The following NTNG1 variants were observed in gnomAD, a reference collection of about 807,000 sequenced individuals.
NTNG1 encodes netrin G1.
Under a neutral mutation model 54.0 loss-of-function variants are expected in NTNG1, and 16 were observed. The observed-to-expected ratio is 0.30, with a 90% CI of 0.20 to 0.45. The LOEUF (loss-of-function observed/expected upper bound fraction) is 0.45. Among genes scored for constraint, NTNG1 ranks in the 20% least tolerant of loss-of-function variants. The pLI, the probability that NTNG1 is intolerant of heterozygous loss-of-function variation, is 1.00. For missense variants in NTNG1, 530 were observed against 678.7 expected (o/e 0.78, Z 2.43); for synonymous variants, 255 against 263.1 (o/e 0.97, Z 0.30).
intron 1 of NTNG1, among the ~76,000 whole-genome samples, chr1:107,147,116 C>A (rs1285859741): frequency 1.9e-4 from 29 of 151,972 alleles, no homozygotes; most frequent in Admixed American, 1.9e-3. Flanking sequence ...AGAAAAGTGG[C>A]CAGTTAAACT....
intron 5 of NTNG1, among the ~76,000 whole-genome samples, chr1:107,411,151 G>C (rs1218567147): frequency 6.6e-6 from 1 of 151,222 alleles, no homozygotes; most frequent in Non-Finnish European, 1.5e-5. Flanking sequence ...ATGAAGCATA[G>C]AATACTGAGG....
chr1:107,169,351 T>C (rs886752047), intron 2 of NTNG1, among the ~76,000 whole-genome samples: 5 of 152,166 alleles, frequency 3.3e-5, no homozygotes, highest in African/African-American at 1.2e-4. Context: ...AGATTTAGGG[T>C]ATACAAGTGC....
chr1:107,202,873 T>C (rs928101002), intron 2 of NTNG1, among the ~76,000 whole-genome samples: 10 of 152,038 alleles, frequency 6.6e-5, no homozygotes, highest in South Asian at 2.1e-4. Context: ...TTTTCCCTTT[T>C]TCATCTAAAT....
chr1:107,204,800 C>G (rs1326755195), intron 2 of NTNG1, among the ~76,000 whole-genome samples: 2 of 152,122 alleles, frequency 1.3e-5, no homozygotes, highest in African/African-American at 4.8e-5. Context: ...TACCCGCACC[C>G]CTGCAATCTC....
rs182571498 is a variant in NTNG1 at position 107,163,801 on chromosome 1, A to T, written c.246+14962A>T. On this transcript the variant is annotated intron_variant, in intron 2 of 7. Transcript: ENST00000370068. ...ACAAAGAAAGCTAACAACATAAACA[A>T]TTGTGCAAATAAATTAAAGCTCTTT... Among the ~76,000 whole-genome samples, 234 of 152,336 alleles carry T rather than the reference A, an allele frequency of 1.5e-3. 3 individuals are homozygous for T. In the East Asian group the frequency reaches 0.025, roughly 16 times the overall value.
intron 7 of NTNG1, among the ~76,000 whole-genome samples, chr1:107,464,159 A>G (rs1324463062): frequency 6.6e-6 from 1 of 152,172 alleles, no homozygotes; most frequent in East Asian, 1.9e-4. Flanking sequence ...CTTGTTGCCC[A>G]TCTTGTGAAT....
chr1:107,340,809 C>G (rs755685347), intron 3 of NTNG1, among the ~76,000 whole-genome samples: 2 of 152,016 alleles, frequency 1.3e-5, no homozygotes, highest in Non-Finnish European at 2.9e-5. Context: ...ACTTGATAGA[C>G]TTTAGAAAAA....
intron 6 of NTNG1, among the ~76,000 whole-genome samples, chr1:107,431,419 A>G (rs904765576): frequency 6.6e-6 from 1 of 152,188 alleles, no homozygotes; most frequent in Non-Finnish European, 1.5e-5. Flanking sequence ...TGGAAATGTA[A>G]AAGTTTGTCT....
At chr1:107,276,500 G>C (rs1022987172) in intron 2 of NTNG1, among the ~76,000 whole-genome samples, 1 of 152,016 alleles carries the variant, frequency 6.6e-6, no homozygotes, top group Non-Finnish European at 1.5e-5. Context: ...GAATTTCAAG[G>C]CTCACATCAC....
intron 7 of NTNG1, chr1:107,455,639 T>C (rs1303319410): frequency 2.0e-6 from 1 of 492,884 alleles, no homozygotes; most frequent in South Asian, 1.5e-5. Flanking sequence ...AGATGGAAGG[T>C]AACTGCTGTT....
chr1:107,315,454 A>G (rs752632328), intron 2 of NTNG1, among the ~76,000 whole-genome samples: 3 of 151,846 alleles, frequency 2.0e-5, no homozygotes, highest in Non-Finnish European at 4.4e-5. Flanking sequence ...CACATACTCT[A>G]TTTCCTTCAG....
chr1:107,234,347 TC>T (rs1661265426), intron 2 of NTNG1, among the ~76,000 whole-genome samples: 1 of 152,144 alleles, frequency 6.6e-6, no homozygotes, highest in African/African-American at 2.4e-5. Context: ...GGTCTTTAAC[TC>T]CTGACCTCAA....
At chr1:107,140,811 A>T (rs530317702), upstream of NTNG1, 2 of 152,102 alleles carry the variant, frequency 1.3e-5, no homozygotes, top group African/African-American at 4.8e-5. Context: ...AAGAAAAAAT[A>T]TCCCTCAGTA....
At chr1:107,192,363 G>A (rs1016202835) in intron 2 of NTNG1, among the ~76,000 whole-genome samples, 2 of 152,038 alleles carry the variant, frequency 1.3e-5, no homozygotes, top group African/African-American at 4.8e-5. Flanking sequence ...TGCCCAGCGT[G>A]TTTCCTAAGA....
At chr1:107,174,742 AT>A (rs561651514) in intron 2 of NTNG1, among the ~76,000 whole-genome samples, 4,556 of 145,814 alleles carry the variant, frequency 0.031, 70 homozygotes, top group South Asian at 0.055. Context: ...AAATTTAGAG[AT>A]TTTTTTTTTT....
chr1:107,461,063 T>C (rs1420314732), intron 7 of NTNG1, among the ~76,000 whole-genome samples: 3 of 152,198 alleles, frequency 2.0e-5, no homozygotes, highest in Non-Finnish European at 4.4e-5. Flanking sequence ...GAGAAGGCTT[T>C]AATTTATTCA....
chr1:107,239,108 A>C (rs1661630316), intron 2 of NTNG1, among the ~76,000 whole-genome samples: 1 of 152,158 alleles, frequency 6.6e-6, no homozygotes, highest in Non-Finnish European at 1.5e-5. Context: ...GAGCAAATAT[A>C]ATGCCTAGGA....
intron 2 of NTNG1, among the ~76,000 whole-genome samples, chr1:107,250,025 T>A (rs7513069): frequency 0.035 from 5,299 of 152,258 alleles, 305 homozygotes; most frequent in African/African-American, 0.12. Context: ...GAAGTGCTTT[T>A]CTTGTTATAT....
chr1:107,333,230 C>G (rs1227718716), intron 3 of NTNG1, among the ~76,000 whole-genome samples: 1 of 151,930 alleles, frequency 6.6e-6, no homozygotes, highest in Non-Finnish European at 1.5e-5. Flanking sequence ...GGCTAAGAGT[C>G]AAGAGAAATA....
Sources: gnomAD v4.1 joint callset for allele counts (sites outside exome capture counted in the v4.1 genomes callset) on GRCh38, gnomAD v4.1.1 for gene constraint, MANE v1.5 for transcripts, NCBI Gene and HGNC (gene_info 2026-07-23, HGNC 2026-07-21) for gene names.